The following UNC5D variants were observed in gnomAD, a reference collection of about 807,000 sequenced individuals.
UNC5D encodes the protein unc-5 netrin receptor D.
In UNC5D, 39 loss-of-function variants were observed where a neutral mutation model predicts 105.4. The ratio of observed to expected loss-of-function variants is 0.37; its 90% CI spans 0.29 to 0.48. UNC5D has a LOEUF of 0.48. Ranked by LOEUF, UNC5D falls within the 20% of genes least tolerant of loss-of-function variation. The pLI is 0.98. For synonymous variants in UNC5D, 452 were observed against 450.4 expected, an observed-to-expected ratio of 1.00 and a Z score of -0.04; for missense variants, 991 against 1,202.4, an observed-to-expected ratio of 0.82 and a Z score of 2.60.
intron 1 of UNC5D, among the ~76,000 whole-genome samples, chr8:35,338,016 A>C (rs1271291102): frequency 6.6e-6 from 1 of 152,258 alleles, no homozygotes. Flanking sequence ...CAGTATTCAT[A>C]ATCAGAGTAC....
chr8:35,521,738 A>G (rs1033068470), intron 1 of UNC5D, among the ~76,000 whole-genome samples: 1 of 152,168 alleles, frequency 6.6e-6, no homozygotes, highest in Non-Finnish European at 1.5e-5. Flanking sequence ...TTAGAAGATT[A>G]TTCTTCCTTC....
chr8:35,331,298 C>T (rs772031521), intron 1 of UNC5D, among the ~76,000 whole-genome samples: 18 of 152,046 alleles, frequency 1.2e-4, no homozygotes, highest in South Asian at 8.3e-4. Flanking sequence ...GTATGGTAGC[C>T]GCCTTCTCTC....
intron 1 of UNC5D, among the ~76,000 whole-genome samples, chr8:35,538,999 T>G (rs1443967376): frequency 6.6e-6 from 1 of 152,168 alleles, no homozygotes; most frequent in Non-Finnish European, 1.5e-5. Context: ...AGAATTATAG[T>G]ATCAATATAA....
At chr8:35,542,359 A>T (rs576069584) in intron 1 of UNC5D, among the ~76,000 whole-genome samples, 4 of 152,202 alleles carry the variant, frequency 2.6e-5, no homozygotes, top group African/African-American at 9.6e-5. Context: ...CTTTTAGATT[A>T]TGTAACTTGG....
intron 3 of UNC5D, among the ~76,000 whole-genome samples, chr8:35,590,241 G>A (rs866134525): frequency 2.6e-5 from 4 of 151,286 alleles, no homozygotes; most frequent in Non-Finnish European, 4.4e-5. Flanking sequence ...TAATGTTTTA[G>A]ATAAAAAAAA....
intron 4 of UNC5D, among the ~76,000 whole-genome samples, chr8:35,604,466 T>C (rs1184857434): frequency 2.0e-5 from 3 of 152,206 alleles, no homozygotes; most frequent in Non-Finnish European, 4.4e-5. Flanking sequence ...TCTCTCTGGC[T>C]GCCCTTAACA....
rs1479116817 is a variant in UNC5D, at chr8:35,796,183, G to A, written c.*5620G>A. 1.3e-5 allele frequency: 2 copies of A among 152,082 alleles called. No individual in the cohort carries two copies. Among genetic ancestry groups the A allele is most frequent in the Admixed American group, 6.6e-5 (1 of 15,264 alleles). 9.4% of individuals were successfully genotyped at this position (152,082 alleles called of 1,614,324 possible). A position where few individuals can be genotyped will look rare whatever the true frequency, so the allele number is the denominator to read the frequency against. ...AGCTGAAGGACTGAGCAAGCCAGAG[G>A]AGAGAGGTTGAATGAAGCATAGCCT... is the stretch of plus-strand genomic sequence containing the variant. On this transcript the variant is annotated 3_prime_UTR_variant, in exon 17 of 17. Coordinates refer to ENST00000404895, the MANE Select transcript of UNC5D (RefSeq NM_080872.4).
At chr8:35,350,370 G>T (rs1457898930) in intron 1 of UNC5D, among the ~76,000 whole-genome samples, 5 of 151,942 alleles carry the variant, frequency 3.3e-5, no homozygotes, top group African/African-American at 1.2e-4. Context: ...CTACTGAAGT[G>T]GGTCTCCCTT....
intron 9 of UNC5D, among the ~76,000 whole-genome samples, chr8:35,724,468 G>GAAA (rs1437715038): frequency 6.6e-6 from 1 of 152,100 alleles, no homozygotes; most frequent in Non-Finnish European, 1.5e-5. Context: ...CTAGGGACTT[G>GAAA]AAAAAGGATT....
chr8:35,420,044 T>C (rs528119855), intron 1 of UNC5D, among the ~76,000 whole-genome samples: 1 of 152,040 alleles, frequency 6.6e-6, no homozygotes, highest in Non-Finnish European at 1.5e-5. Flanking sequence ...GGAAAAAGCA[T>C]TATTTGATGG....
chr8:35,452,846 GACT>G, intron 1 of UNC5D, among the ~76,000 whole-genome samples: 1 of 152,304 alleles, frequency 6.6e-6, no homozygotes, highest in Non-Finnish European at 1.5e-5. Flanking sequence ...AAAGATAACA[GACT>G]TACGGTCTCT....
At chr8:35,789,173 A>ATATATATG (rs1802906329) in intron 16 of UNC5D, among the ~76,000 whole-genome samples, 2 of 92,110 alleles carry the variant, frequency 2.2e-5, no homozygotes, top group African/African-American at 9.3e-5. Flanking sequence ...ATATATATAT[A>ATATATATG]TATATATATA....
At chr8:35,423,888 T>C (rs1806076164) in intron 1 of UNC5D, among the ~76,000 whole-genome samples, 1 of 151,400 alleles carries the variant, frequency 6.6e-6, no homozygotes, top group Non-Finnish European at 1.5e-5. Context: ...ATTCTCACTC[T>C]TCCCTGCAGG....
intron 1 of UNC5D, among the ~76,000 whole-genome samples, chr8:35,466,574 T>A (rs1199784253): frequency 6.6e-6 from 1 of 152,202 alleles, no homozygotes; most frequent in Non-Finnish European, 1.5e-5. Flanking sequence ...GATGGTGTTA[T>A]TTCCTTAAAA....
At chr8:35,431,604 T>A (rs934104662) in intron 1 of UNC5D, among the ~76,000 whole-genome samples, 50 of 152,248 alleles carry the variant, frequency 3.3e-4, no homozygotes, top group African/African-American at 1.0e-3. Flanking sequence ...CTACAATAGG[T>A]TATTTATGGA....
intron 3 of UNC5D, among the ~76,000 whole-genome samples, chr8:35,574,088 G>A (rs1384557156): frequency 2.6e-5 from 4 of 152,268 alleles, no homozygotes; most frequent in African/African-American, 4.8e-5. Context: ...TCAAAACTAG[G>A]AATATTCAAT....
In UNC5D at chr8:35,504,181, A is replaced by G. The variant is rs539688764; in HGVS notation, c.104-45111A>G. Among the ~76,000 whole-genome samples, 3 of 152,208 alleles carry G rather than the reference A, an allele frequency of 2.0e-5. No homozygotes were observed. The East Asian group carries it at 5.8e-4, about 29-fold the overall frequency. On this transcript the variant is annotated intron_variant, in intron 1 of 16. Transcript: ENST00000404895. ...GAGAGTGAAGCAAAAACCATTGATGACTTCTCACTTAATTATGGCACCAGC... is the reference window on the plus strand; with the variant it reads ...GAGAGTGAAGCAAAAACCATTGATGGCTTCTCACTTAATTATGGCACCAGC...
Position 35,788,429 on chromosome 8 carries a change from T to C in UNC5D, c.2658-1930T>C, listed in dbSNP as rs565964710. Among the ~76,000 whole-genome samples the C allele has an allele frequency of 2.0e-5, 3 of 152,216 alleles. No homozygotes were observed. In the South Asian group the frequency reaches 6.2e-4, roughly 32 times the overall value. On this transcript the variant is annotated intron_variant, in intron 16 of 16. Transcript: ENST00000404895. Reference sequence around the variant, plus strand: ...GACATTTCTATCCTTACTGTAAAAGTCCCTATGAAGAACAGTGACCTGTAA... The same window carrying C: ...GACATTTCTATCCTTACTGTAAAAGCCCCTATGAAGAACAGTGACCTGTAA...
chr8:35,489,659 T>C (rs894210147), intron 1 of UNC5D, among the ~76,000 whole-genome samples: 1 of 152,222 alleles, frequency 6.6e-6, no homozygotes, highest in Non-Finnish European at 1.5e-5. Flanking sequence ...CCACCCAGTC[T>C]GTGGTATCAT....
Sources: gnomAD v4.1 joint callset for allele counts (sites outside exome capture counted in the v4.1 genomes callset) on GRCh38, gnomAD v4.1.1 for gene constraint, MANE v1.5 for transcripts, NCBI Gene and HGNC (gene_info 2026-07-23, HGNC 2026-07-21) for gene names.